Variants in USP25 observed in about 807,000 individuals in gnomAD.
The protein encoded by USP25 is ubiquitin carboxyl-terminal hydrolase 25.
A neutral mutation model predicts 158.5 loss-of-function variants in USP25; 85 were observed. The observed-to-expected ratio is 0.54, with a 90% CI of 0.45 to 0.64. The LOEUF (loss-of-function observed/expected upper bound fraction) is 0.64, where lower values mean the gene tolerates loss of function less well. Among genes scored for constraint, USP25 ranks in the 30% least tolerant of loss-of-function variants. The pLI is 0.00. For synonymous variants in USP25, 464 were observed against 460.4 expected (o/e 1.01, Z -0.10); for missense variants, 1,242 against 1,327.3 (o/e 0.94, Z 1.00).
chr21:15,781,981 G>GC (rs2034991097), intron 4 of USP25, among the ~76,000 whole-genome samples: 1 of 152,190 alleles, frequency 6.6e-6, no homozygotes, highest in Non-Finnish European at 1.5e-5. Flanking sequence ...GAGGCCAGTA[G>GC]CCACCCTGTA....
chr21:15,805,850 C>T (rs1257732260), intron 7 of USP25, among the ~76,000 whole-genome samples: 2 of 152,040 alleles, frequency 1.3e-5, no homozygotes, highest in Non-Finnish European at 2.9e-5. Context: ...AGTAAGTGTT[C>T]AAAAAGATAG....
At chr21:15,757,887 G>A (rs2033484023) in intron 1 of USP25, among the ~76,000 whole-genome samples, 1 of 152,120 alleles carries the variant, frequency 6.6e-6, no homozygotes, top group Admixed American at 6.5e-5. Context: ...AATCTTTTCT[G>A]GGATTTATAT....
intron 3 of USP25, among the ~76,000 whole-genome samples, chr21:15,774,465 G>C (rs1283610997): frequency 6.6e-6 from 1 of 151,892 alleles, no homozygotes; most frequent in African/African-American, 2.4e-5. Flanking sequence ...AGATACATTT[G>C]TTTTCCTTAA....
intron 3 of USP25, among the ~76,000 whole-genome samples, chr21:15,769,097 T>C (rs1204014539): frequency 6.6e-6 from 1 of 152,098 alleles, no homozygotes; most frequent in Non-Finnish European, 1.5e-5. Context: ...ATGGAAGTTA[T>C]ATTTGGGGCA....
chr21:15,789,606 C>T (rs896046721), intron 4 of USP25, among the ~76,000 whole-genome samples: 11 of 152,044 alleles, frequency 7.2e-5, no homozygotes, highest in Non-Finnish European at 1.6e-4. Flanking sequence ...TCTGTCTGCA[C>T]TGGTACTAGT....
chr21:15,851,985 G>A (rs1311899318), intron 20 of USP25, among the ~76,000 whole-genome samples: 1 of 152,108 alleles, frequency 6.6e-6, no homozygotes, highest in Admixed American at 6.5e-5. Context: ...GCATGGGCAA[G>A]AATCAAGTTT....
At chr21:15,791,315 G>T (rs1419390012) in intron 4 of USP25, among the ~76,000 whole-genome samples, 187 bp from the exon 5 acceptor site, 1 of 151,782 alleles carries the variant, frequency 6.6e-6, no homozygotes, top group Non-Finnish European at 1.5e-5. Context: ...TAGGAAAAAA[G>T]ACTATACTTC....
chr21:15,768,638 T>C (rs1276265602), intron 3 of USP25, among the ~76,000 whole-genome samples: 3 of 152,112 alleles, frequency 2.0e-5, no homozygotes, highest in Non-Finnish European at 4.4e-5. Context: ...TTTAAAAAAA[T>C]CTACCTAACT....
At chr21:15,859,064 A>G (rs112864526) in intron 20 of USP25, among the ~76,000 whole-genome samples, 10 of 151,078 alleles carry the variant, frequency 6.6e-5, no homozygotes, top group African/African-American at 2.4e-4. Flanking sequence ...GCATCTGGGT[A>G]CATAGACAAA....
chr21:15,868,407 C>A (rs2039746925), intron 22 of USP25, among the ~76,000 whole-genome samples: 1 of 152,118 alleles, frequency 6.6e-6, no homozygotes, highest in Non-Finnish European at 1.5e-5. Context: ...CCCCAAGATT[C>A]GTGTTCATGG....
At position 15,851,670 on chromosome 21, in the gene USP25, G is replaced by GT. The variant is rs549366379; in HGVS notation, c.2547+1804dup. On this transcript the variant is annotated intron_variant, in intron 20 of 25. Transcript: ENST00000400183. ...TGTTTTCCTTAAACTTAGTTGTTTT[G>GT]TTTTTTGGTTTGCTTAGTTTATGTG... Among the ~76,000 whole-genome samples, 311 of 151,924 alleles carry GT rather than the reference G, an allele frequency of 2.0e-3. 1 individual carries two copies. Among genetic ancestry groups the GT allele is most frequent in the Non-Finnish European group, 3.6e-3 (245 of 67,890 alleles).
At chr21:15,788,576 A>C (rs1048722454) in intron 4 of USP25, among the ~76,000 whole-genome samples, 1 of 152,124 alleles carries the variant, frequency 6.6e-6, no homozygotes, top group Non-Finnish European at 1.5e-5. Context: ...AAGTGTGTTT[A>C]TTAAGTTCTT....
intron 3 of USP25, among the ~76,000 whole-genome samples, chr21:15,768,889 G>T: frequency 6.6e-6 from 1 of 152,042 alleles, no homozygotes; most frequent in East Asian, 1.9e-4. Flanking sequence ...ACAAAGTCAT[G>T]CTAACTTTAA....
chr21:15,738,373 C>T (rs1251496250), intron 1 of USP25, among the ~76,000 whole-genome samples: 1 of 152,028 alleles, frequency 6.6e-6, no homozygotes, highest in Non-Finnish European at 1.5e-5. Flanking sequence ...TCTGTAGATC[C>T]ATTTGGGATT....
chr21:15,733,728 G>A (rs2031196231), intron 1 of USP25, among the ~76,000 whole-genome samples: 1 of 152,170 alleles, frequency 6.6e-6, no homozygotes, highest in South Asian at 2.1e-4. Flanking sequence ...TGTAATCCCA[G>A]CTACTCAGGA....
chr21:15,736,177 A>G (rs1224739285), intron 1 of USP25, among the ~76,000 whole-genome samples: 1 of 151,470 alleles, frequency 6.6e-6, no homozygotes, highest in African/African-American at 2.4e-5. Flanking sequence ...AGCTCACTGC[A>G]ACTTCTGCCT....
intron 20 of USP25, among the ~76,000 whole-genome samples, chr21:15,855,939 T>C (rs1411866464): frequency 6.6e-6 from 1 of 152,246 alleles, no homozygotes; most frequent in Non-Finnish European, 1.5e-5. Flanking sequence ...GTCTGACTGC[T>C]TTTACTCAAC....
At chr21:15,869,062 A>G (rs975265392) in intron 22 of USP25, among the ~76,000 whole-genome samples, 57 of 152,274 alleles carry the variant, frequency 3.7e-4, no homozygotes, top group East Asian at 9.7e-4. Flanking sequence ...CCTGGCCAAC[A>G]TAGCAAGACC....
intron 9 of USP25, among the ~76,000 whole-genome samples, chr21:15,815,878 C>T (rs957390134): frequency 3.9e-5 from 6 of 152,196 alleles, no homozygotes; most frequent in Admixed American, 2.0e-4. Context: ...GGCTTGTAGG[C>T]GGAAGGGACT....
Sources: gnomAD v4.1 joint callset for allele counts (sites outside exome capture counted in the v4.1 genomes callset) on GRCh38, gnomAD v4.1.1 for gene constraint, MANE v1.5 for transcripts, NCBI Gene and HGNC (gene_info 2026-07-23, HGNC 2026-07-21) for gene names.